Variants in NTAQ1 observed in about 807,000 individuals in gnomAD.
NTAQ1 encodes N-terminal glutamine amidase 1.
Under a neutral mutation model 28.2 loss-of-function variants are expected in NTAQ1, and 21 were observed. The ratio of observed to expected loss-of-function variants is 0.74; its 90% CI spans 0.53 to 1.07. NTAQ1 has a LOEUF of 1.07. Among genes scored for constraint, NTAQ1 ranks in the 50% least tolerant of loss-of-function variants. The pLI is 0.00. For missense variants in NTAQ1, 264 were observed against 256.6 expected, an observed-to-expected ratio of 1.03 and a Z score of -0.20; for synonymous variants, 105 against 90.0, an observed-to-expected ratio of 1.17 and a Z score of -0.94.
rs34533564 is a variant in NTAQ1, at chr8:123,427,995, C to G, written c.155C>G (p.Ala52Gly). 509 of 1,610,424 alleles carry G rather than the reference C, an allele frequency of 3.2e-4. 1 individual carries two copies. The African/African-American group carries it at 6.1e-3, about 19-fold the overall frequency. ...HDQYPLEECYAVFISNERKMI... is the reference protein window; with the variant it reads ...HDQYPLEECYGVFISNERKMI... Reference sequence around the variant, plus strand: ...CAGTATCCTTTAGAAGAATGTTATGCTGTCTTCATATCTAATGAGAGGAAG... The same window carrying G: ...CAGTATCCTTTAGAAGAATGTTATGGTGTCTTCATATCTAATGAGAGGAAG... The change falls in exon 2 of 6, where the codon GCT (alanine) becomes GGT (glycine). Residue 52 changes from alanine (A) to glycine (G), a missense_variant. Coordinates refer to ENST00000287387, the MANE Select transcript of NTAQ1 (RefSeq NM_018024.3).
intron 3 of NTAQ1, among the ~76,000 whole-genome samples, chr8:123,432,340 A>G (rs1814446453): frequency 6.6e-6 from 1 of 152,164 alleles, no homozygotes; most frequent in South Asian, 2.1e-4. Flanking sequence ...ATTTAAAATC[A>G]TTCCTATAAT....
intron 4 of NTAQ1, among the ~76,000 whole-genome samples, chr8:123,437,007 G>C (rs1405672323): frequency 6.6e-6 from 1 of 152,068 alleles, no homozygotes; most frequent in Non-Finnish European, 1.5e-5. Flanking sequence ...ATATATTTTT[G>C]TGCCTTTGCC....
intron 1 of NTAQ1, among the ~76,000 whole-genome samples, chr8:123,417,875 G>C (rs2130101998): frequency 6.6e-6 from 1 of 152,126 alleles, no homozygotes; most frequent in African/African-American, 2.4e-5. Flanking sequence ...GCTGTTCTGT[G>C]CCCCCAAATC....
intron 1 of NTAQ1, among the ~76,000 whole-genome samples, chr8:123,422,934 G>A (rs1813796982): frequency 6.6e-6 from 1 of 152,054 alleles, no homozygotes; most frequent in Admixed American, 6.6e-5. Context: ...GGACTTTGTT[G>A]AAGATCAGAT....
At chr8:123,458,114 T>G (rs1815707079) in intron 6 of NTAQ1, among the ~76,000 whole-genome samples, 1 of 135,990 alleles carries the variant, frequency 7.4e-6, no homozygotes, top group South Asian at 2.3e-4. Context: ...TTTTTTTTTT[T>G]TTGTAGAGAC....
chr8:123,457,759 C>A (rs564374428), intron 6 of NTAQ1, among the ~76,000 whole-genome samples: 1 of 151,962 alleles, frequency 6.6e-6, no homozygotes, highest in Non-Finnish European at 1.5e-5. Context: ...ATTGACTGGG[C>A]GCAGTGGCTC....
chr8:123,460,945 C>G (rs1815806929), intron 6 of NTAQ1, among the ~76,000 whole-genome samples: 1 of 152,234 alleles, frequency 6.6e-6, no homozygotes, highest in Non-Finnish European at 1.5e-5. Context: ...TTTCACACTT[C>G]TGTCAGGTAC....
At chr8:123,457,542 C>A (rs1815684193) in intron 6 of NTAQ1, among the ~76,000 whole-genome samples, 2 of 151,978 alleles carry the variant, frequency 1.3e-5, no homozygotes, top group African/African-American at 4.8e-5. Flanking sequence ...GAAATCTGTA[C>A]TAAAAGATAA....
chr8:123,473,530 C>A (rs1816062425), downstream of NTAQ1, among the ~76,000 whole-genome samples: 1 of 152,140 alleles, frequency 6.6e-6, no homozygotes, highest in South Asian at 2.1e-4. Context: ...CTGACCTCAA[C>A]TGATCTGGCC....
chr8:123,418,133 C>T (rs182020236), intron 1 of NTAQ1, among the ~76,000 whole-genome samples: 3 of 152,224 alleles, frequency 2.0e-5, no homozygotes, highest in African/African-American at 7.2e-5. Context: ...CCTCATGGAT[C>T]CCTTGGTTCT....
chr8:123,457,047 T>TA (rs985584150), intron 6 of NTAQ1, among the ~76,000 whole-genome samples: 41 of 152,274 alleles, frequency 2.7e-4, no homozygotes, highest in African/African-American at 8.7e-4. Flanking sequence ...TAAAATTTTT[T>TA]AAAAAATCTA....
intron 6 of NTAQ1, among the ~76,000 whole-genome samples, chr8:123,455,407 C>A (rs913697768): frequency 1.3e-5 from 2 of 151,188 alleles, no homozygotes; most frequent in East Asian, 3.9e-4. Flanking sequence ...TATCCTCAAA[C>A]CCCATGCCCA....
chr8:123,424,433 G>A (rs1462679986), intron 1 of NTAQ1, among the ~76,000 whole-genome samples: 2 of 152,034 alleles, frequency 1.3e-5, no homozygotes, highest in Admixed American at 6.6e-5. Context: ...TAGTAGAGAC[G>A]GGGTTTCACT....
At position 123,441,440 on chromosome 8, in the gene NTAQ1, T is replaced by C; in HGVS notation, c.*25T>C. 1 of 1,566,338 alleles carries C rather than the reference T, an allele frequency of 6.4e-7. No individual in the cohort carries two copies. The highest frequency in any genetic ancestry group is 2.4e-5 in the East Asian group (1 of 42,298). ...AACTTGGTCTCAAGATGTGGAACTG[T>C]GGAGAAATTCTAGGACATGAACAAG... On this transcript the variant is annotated 3_prime_UTR_variant, in exon 6 of 6. Coordinates refer to ENST00000287387, the MANE Select transcript of NTAQ1 (RefSeq NM_018024.3).
At chr8:123,461,855 C>T (rs1815832602) in intron 6 of NTAQ1, among the ~76,000 whole-genome samples, 1 of 152,054 alleles carries the variant, frequency 6.6e-6, no homozygotes, top group African/African-American at 2.4e-5. Flanking sequence ...TCCTTCTTGA[C>T]ATGGGGCACA....
At chr8:123,437,104 A>G (rs1291868349) in intron 4 of NTAQ1, 106 bp from the exon 5 acceptor site, 3 of 1,430,390 alleles carry the variant, frequency 2.1e-6, no homozygotes, top group Non-Finnish European at 2.9e-6. Context: ...ACAGAAATGC[A>G]TGAGTAGTTT....
chr8:123,468,284 A>G (rs73705927), exon 7 of NTAQ1, among the ~76,000 whole-genome samples: 3,764 of 152,310 alleles, frequency 0.025, 167 homozygotes, highest in African/African-American at 0.086. Context: ...AGTAGTGTTA[A>G]GTATATTTGC....
At chr8:123,433,623 T>C (rs1814525975) in intron 3 of NTAQ1, among the ~76,000 whole-genome samples, 1 of 152,106 alleles carries the variant, frequency 6.6e-6, no homozygotes, top group African/African-American at 2.4e-5. Flanking sequence ...CGTTGTTGTA[T>C]TTTTAGTAGA....
rs568795718 is a variant in NTAQ1, at chr8:123,457,372, T to TA, written c.373-9697dup. 8.5e-3 allele frequency among the ~76,000 whole-genome samples: 1,279 copies of TA among 150,170 alleles called. 13 individuals carry two copies. Among genetic ancestry groups the TA allele is most frequent in the Middle Eastern group, 0.014 (4 of 294 alleles). ...ATAAGCCACTGCACCCAGCCAAAAT[T>TA]AAAAAAAAAATCTTAAACATGATAT... is the stretch of plus-strand genomic sequence containing the variant. On this transcript the variant is annotated intron_variant, in intron 6 of 6. Coordinates refer to the NTAQ1 transcript ENST00000650311.
Sources: allele counts gnomAD v4.1 joint callset (sites outside exome capture counted in the v4.1 genomes callset), GRCh38; gene constraint gnomAD v4.1.1; transcripts MANE v1.5; gene names NCBI Gene and HGNC (gene_info 2026-07-23, HGNC 2026-07-21).